DGKA: variants seen among roughly 807,000 people sequenced by gnomAD.
The protein encoded by DGKA is 80 kDa diacylglycerol kinase.
Under a neutral mutation model 105.0 loss-of-function variants are expected in DGKA, and 35 were observed. The ratio of observed to expected loss-of-function variants is 0.33; its 90% CI spans 0.25 to 0.44. The LOEUF is 0.44. DGKA is among the 20% of genes least tolerant of loss of function. DGKA has a pLI of 1.00. For synonymous variants in DGKA, 296 were observed against 332.0 expected (o/e 0.89, Z 1.18); for missense variants, 665 against 915.0 (o/e 0.73, Z 3.53).
Position 55,953,998 on chromosome 12 carries a change from T to C in DGKA, c.*230T>C, listed in dbSNP as rs953175895. Reference sequence around the variant, plus strand: ...AGTGCCTCATCTGAATAAAATGACTTGTGTTTCCCCTTTGGGATCTGCTAA... The same window carrying C: ...AGTGCCTCATCTGAATAAAATGACTCGTGTTTCCCCTTTGGGATCTGCTAA... On this transcript the variant is annotated 3_prime_UTR_variant, in exon 24 of 24. Coordinates refer to ENST00000331886, the MANE Select transcript of DGKA (RefSeq NM_001345.5). The C allele has an allele frequency of 6.2e-6, 4 of 643,142 alleles. No individual in the cohort carries two copies. The highest frequency in any genetic ancestry group is 1.1e-5 in the Non-Finnish European group (4 of 380,006). The allele number at this position is 643,142 out of a possible 1,614,324, so 39.8% of individuals were successfully genotyped here. A position where few individuals can be genotyped will look rare whatever the true frequency, so the allele number is the denominator to read the frequency against.
Position 55,951,709 on chromosome 12 carries a change from A to G in DGKA, c.1513A>G (p.Ile505Val). 6.2e-7 allele frequency: 1 copy of G among 1,613,914 alleles called. No individual in the cohort carries two copies. Among genetic ancestry groups the G allele is most frequent in the East Asian group, 2.2e-5 (1 of 44,858 alleles). ...VHMDRWSVEVIPQQTEEKSDP... is the reference protein window; with the variant it reads ...VHMDRWSVEVVPQQTEEKSDP... ...TATGGATCGATGGTCTGTGGAGGTG[A>G]TACCTCAACAAACTGAAGAAAAAAG... The change falls in exon 18 of 24, where the codon ATA becomes GTA. Residue 505 changes from isoleucine (I) to valine (V), a missense_variant. Coordinates refer to ENST00000331886, the MANE Select transcript of DGKA (RefSeq NM_001345.5).
In DGKA at chr12:55,952,273, C is replaced by T. The variant is rs557562032; in HGVS notation, c.1653-68C>T. ...AGGAGGTTGATGCCCTTCCCTGTCA[C>T]GTACCACCCCTGCCAGCACTGTGTA... On this transcript the variant is annotated intron_variant, in intron 19 of 23. Transcript: ENST00000331886. This position sits in a 1 kb window ranked among gnomAD's most constrained non-coding sequence, Gnocchi z 5.1. The T allele has an allele frequency of 3.8e-4, 581 of 1,548,804 alleles. 2 individuals carry two copies. Among genetic ancestry groups the T allele is most frequent in the South Asian group, 9.3e-4 (83 of 89,652 alleles).
Position 55,939,507 on chromosome 12 carries a change from C to T in DGKA, c.687C>T (p.Gly229=), listed in dbSNP as rs765564187. Residue 229 remains glycine (G), a synonymous_variant, in exon 9 of 24, where the codon GGC becomes GGT. Coordinates refer to ENST00000331886, the MANE Select transcript of DGKA (RefSeq NM_001345.5). The part of the protein sequence containing the change: ...CNLCESSIGL[G]KQGLSCNLCK... The stretch of plus-strand genomic sequence containing the variant: ...TGTGCGAGTCAAGCATTGGTCTTGG[C>T]AAACAGGGACTGAGCTGTAACCGTG... 2 of 1,614,144 alleles carry T rather than the reference C, an allele frequency of 1.2e-6. No homozygotes were observed. Among genetic ancestry groups the T allele is most frequent in the South Asian group, 1.1e-5 (1 of 91,084 alleles).
In DGKA at chr12:55,932,784, G is replaced by A. The variant is rs1883913309; in HGVS notation, c.-82+1440G>A. 1.2e-5 allele frequency: 7 copies of A among 567,276 alleles called. No individual in the cohort carries two copies. Among genetic ancestry groups the A allele is most frequent in the Non-Finnish European group, 2.2e-5 (7 of 315,198 alleles). The allele number at this position is 567,276 out of a possible 1,614,324, so 35.1% of individuals were successfully genotyped here. A position where few individuals can be genotyped will look rare whatever the true frequency, so the allele number is the denominator to read the frequency against. ...TAGCACTGCAGTCTTCAGTGTTTGT[G>A]GAGGCTTAATAAGTTTTGAGGCTTC... On this transcript the variant is annotated intron_variant, in intron 1 of 23. Transcript: ENST00000331886. The surrounding 1 kb of genome is among the most constrained non-coding windows in gnomAD (Gnocchi z 4.3).
chr12:55,936,004 C>CGG, intron 1 of DGKA: 1 of 989,682 alleles, frequency 1.0e-6, no homozygotes, highest in Non-Finnish European at 1.2e-6. Context: ...TGCCGAAGAC[C>CGG]CGAGATGGGA....
intron 17 of DGKA, among the ~76,000 whole-genome samples, chr12:55,946,680 A>G (rs2136372131): frequency 6.6e-6 from 1 of 152,336 alleles, no homozygotes. Context: ...CTTGAGATTA[A>G]GATGTGGACA....
Position 55,932,027 on chromosome 12 carries a change from T to TG in DGKA, c.-82+684dup, listed in dbSNP as rs1447079403. 1 of 152,876 alleles carries TG rather than the reference T, an allele frequency of 6.5e-6. No homozygotes were observed. The allele number at this position is 152,876 out of a possible 1,614,324, so 9.5% of individuals were successfully genotyped here. On this transcript the variant is annotated intron_variant, in intron 1 of 23. Coordinates refer to ENST00000331886, the MANE Select transcript of DGKA (RefSeq NM_001345.5). This position sits in a 1 kb window ranked among gnomAD's most constrained non-coding sequence, Gnocchi z 4.3. ...GTCGTCAGGAACGGGGCGGCCCCGC[T>TG]GCGGCCGCGTCTGCCTGGCCCGTCC...
rs779833123 is a variant in DGKA at position 55,953,122 on chromosome 12, T to C, written c.2025T>C (p.Ala675=). Residue 675 remains alanine, a synonymous_variant, in exon 22 of 24, where the codon GCT becomes GCC. Transcript: ENST00000331886. ...AAATCTATACCAAGCTCAAGAATGC[T>C]GGACGTCGGCTGGCCAAGTGCTCTG... ...MGQIYTKLKN[A]GRRLAKCSEI... is the part of the protein sequence containing the mutation. 6 of 1,614,154 alleles carry C rather than the reference T, an allele frequency of 3.7e-6. No homozygotes were observed. The highest frequency in any genetic ancestry group is 5.1e-6 in the Non-Finnish European group (6 of 1,180,048).
rs1297194272 is a variant in DGKA, at chr12:55,952,233, C to T, written c.1653-108C>T. 1.3e-6 allele frequency: 2 copies of T among 1,492,896 alleles called. No homozygotes were observed. Among genetic ancestry groups the T allele is most frequent in the Non-Finnish European group, 1.9e-6 (2 of 1,071,458 alleles). The allele number at this position is 1,492,896 out of a possible 1,614,324, so 92.5% of individuals were successfully genotyped here. On this transcript the variant is annotated intron_variant, in intron 19 of 23. Transcript: ENST00000331886. This position sits in a 1 kb window ranked among gnomAD's most constrained non-coding sequence, Gnocchi z 5.1. Reference sequence around the variant, plus strand: ...CCCAACCAAAGCCACCCTTGTTCCCCATGGGACTAAAGTTAGGAGGTTGAT... The same window carrying T: ...CCCAACCAAAGCCACCCTTGTTCCCTATGGGACTAAAGTTAGGAGGTTGAT...
At position 55,936,534 on chromosome 12, in the gene DGKA, A is replaced by G. The variant is rs768940177; in HGVS notation, c.31A>G (p.Ser11Gly). Residue 11 changes from serine to glycine, a missense_variant, in exon 2 of 24, where the codon AGT (serine) becomes GGT (glycine). By Grantham distance (56) the Ser-to-Gly change is moderately conservative (BLOSUM62 0). Around this residue, in one of 3 missense-constraint regions of DGKA, gnomAD observed 504 missense variants for 681.2 expected, o/e 0.74. Transcript: ENST00000331886. Reference sequence around the variant, plus strand: ...CAAGGAGAGGGGCCTAATAAGCCCCAGTGATTTTGCCCAGCTGCAAAAATA... The same window carrying G: ...CAAGGAGAGGGGCCTAATAAGCCCCGGTGATTTTGCCCAGCTGCAAAAATA... Reference protein sequence around the residue: MAKERGLISPSDFAQLQKYME... With the variant: MAKERGLISPGDFAQLQKYME... 6.2e-7 allele frequency: 1 copy of G among 1,614,178 alleles called. No homozygotes were observed. The highest frequency in any genetic ancestry group is 1.1e-5 in the South Asian group (1 of 91,084).
intron 1 of DGKA, among the ~76,000 whole-genome samples, chr12:55,933,251 T>C (rs1427718555): frequency 6.6e-6 from 1 of 152,158 alleles, no homozygotes; most frequent in Non-Finnish European, 1.5e-5. Context: ...CTCTGTAAAA[T>C]ACGAGGGTTG....
At chr12:55,948,436 C>T (rs1778161469) in intron 17 of DGKA, among the ~76,000 whole-genome samples, 1 of 146,290 alleles carries the variant, frequency 6.8e-6, no homozygotes, top group South Asian at 2.2e-4. Context: ...TTTTAAAAAA[C>T]TATTCAAATA....
At chr12:55,947,106 C>T (rs1887200336) in intron 17 of DGKA, among the ~76,000 whole-genome samples, 2 of 151,816 alleles carry the variant, frequency 1.3e-5, no homozygotes, top group South Asian at 4.1e-4. Context: ...CTGCCTCAGC[C>T]TCCCGAGTAG....
chr12:55,952,010 G>C lies in DGKA; in HGVS notation c.1588-25G>C. ...GGAGGGAGAGATTGAGCTCTGTACT[G>C]ACCTTCATGTCCCGAACTCTCCAGG... is the stretch of plus-strand genomic sequence containing the variant. On this transcript the variant is annotated intron_variant, in intron 18 of 23. Coordinates refer to ENST00000331886, the MANE Select transcript of DGKA (RefSeq NM_001345.5). This position sits in a 1 kb window ranked among gnomAD's most constrained non-coding sequence, Gnocchi z 5.1. 1 of 1,613,418 alleles carries C rather than the reference G, an allele frequency of 6.2e-7. No homozygotes were observed.
intron 9 of DGKA, 65 bp downstream of exon 9, chr12:55,939,594 C>T: frequency 6.6e-7 from 1 of 1,523,144 alleles, no homozygotes; most frequent in Non-Finnish European, 9.1e-7. Flanking sequence ...GAGCTTGATG[C>T]TGTAAACTTA....
chr12:55,950,548 C>T (rs939358798), intron 17 of DGKA, among the ~76,000 whole-genome samples: 1 of 150,862 alleles, frequency 6.6e-6, no homozygotes. Flanking sequence ...CCTCGTGATC[C>T]GCCCGCCTCG....
chr12:55,951,965 T>G, intron 18 of DGKA, 70 bp from the exon 19 acceptor site: 1 of 1,587,806 alleles, frequency 6.3e-7, no homozygotes, highest in Middle Eastern at 1.9e-4. Context: ...GCATGGGGAC[T>G]TGGGAAAGAG....
In DGKA at chr12:55,951,746, C is replaced by T; in HGVS notation, c.1550C>T (p.Pro517Leu). The change falls in exon 18 of 24, where the codon CCC becomes CTC. Residue 517 changes from proline (P) to leucine (L), a missense_variant. Coordinates refer to ENST00000331886, the MANE Select transcript of DGKA (RefSeq NM_001345.5). ...QQTEEKSDPV[P>L]FQIINNYFSI... Reference sequence around the variant, plus strand: ...ACTGAAGAAAAAAGTGACCCAGTCCCCTTTCAAATCATCAATAACTACTTC... The same window carrying T: ...ACTGAAGAAAAAAGTGACCCAGTCCTCTTTCAAATCATCAATAACTACTTC... The T allele has an allele frequency of 6.2e-7, 1 of 1,613,924 alleles. No homozygotes were observed. Among genetic ancestry groups the T allele is most frequent in the Non-Finnish European group, 8.5e-7 (1 of 1,180,000 alleles).
rs773282275 is a variant in DGKA at position 55,940,618 on chromosome 12, T to C, written c.919-6T>C. The C allele has an allele frequency of 1.3e-6, 2 of 1,573,698 alleles. No homozygotes were observed. The highest frequency in any genetic ancestry group is 1.7e-6 in the Non-Finnish European group (2 of 1,162,580). Reference sequence around the variant, plus strand: ...GTGATCTCTCTGTGCCCACCTCGTCTTTCAGATCCACGATGACTGCCTGCA... The same window carrying C: ...GTGATCTCTCTGTGCCCACCTCGTCCTTCAGATCCACGATGACTGCCTGCA... On this transcript the variant is annotated splice_polypyrimidine_tract_variant and splice_region_variant and intron_variant, in intron 11 of 23. Coordinates refer to ENST00000331886, the MANE Select transcript of DGKA (RefSeq NM_001345.5). This position sits in a 1 kb window ranked among gnomAD's most constrained non-coding sequence, Gnocchi z 4.3.
Sources: gnomAD v4.1 joint callset for allele counts (sites outside exome capture counted in the v4.1 genomes callset) on GRCh38, gnomAD v4.1.1 for gene constraint, gnomAD v4.1.1 regional missense constraint, Gnocchi (gnomAD v3.1) non-coding constraint, MANE v1.5 for transcripts, NCBI Gene and HGNC (gene_info 2026-07-23, HGNC 2026-07-21) for gene names.